DNAH14: variants seen among roughly 807,000 people sequenced by gnomAD.
The protein encoded by DNAH14 is axonemal beta dynein heavy chain 14.
DNAH14 carries 478 observed loss-of-function variants against 520.9 expected under a neutral mutation model. That is an observed-to-expected ratio of 0.92 (90% CI 0.85 to 0.99). DNAH14 has a LOEUF of 0.99. Ranked by LOEUF, DNAH14 falls within the 50% of genes least tolerant of loss-of-function variation. The pLI is 0.00. For synonymous variants in DNAH14, 1,581 were observed against 1,757.2 expected, an observed-to-expected ratio of 0.90 and a Z score of 2.51; for missense variants, 4,831 against 5,234.5, an observed-to-expected ratio of 0.92 and a Z score of 2.38.
intron 21 of DNAH14, among the ~76,000 whole-genome samples, chr1:225,094,656 C>CAAAAAAAAAAAAAAAAAAAAAAAAAAA (rs760828776): frequency 5.1e-5 from 4 of 77,820 alleles, no homozygotes; most frequent in Non-Finnish European, 1.4e-4. Flanking sequence ...TTCTGCACAG[C>CAAAAAAAAAAAAAAAAAAAAAAAAAAA]AAAAAAAAAA....
At chr1:225,265,516 A>G (rs2093080106) in intron 48 of DNAH14, 147 bp downstream of exon 48, 2 of 624,954 alleles carry the variant, frequency 3.2e-6, no homozygotes, top group Non-Finnish European at 5.1e-6. Flanking sequence ...AGAAACTTTG[A>G]TTTTCAGATC....
intron 81 of DNAH14, among the ~76,000 whole-genome samples, chr1:225,385,632 G>A (rs1036004363): frequency 1.3e-5 from 2 of 152,116 alleles, no homozygotes; most frequent in African/African-American, 4.8e-5. Flanking sequence ...ATTCACAATT[G>A]CTTCAAAAAG....
chr1:225,079,412 T>C lies in DNAH14; in HGVS notation c.2630T>C (p.Leu877Pro), dbSNP rs1369668462. Reference sequence around the variant, plus strand: ...CAAATTGCCATATTCCAAGTTCTTCTTCTTAAGTTTAGTCAACTAAAATCA... The same window carrying C: ...CAAATTGCCATATTCCAAGTTCTTCCTCTTAAGTTTAGTCAACTAAAATCA... ...EEQIAIFQVLLLKFSQLKSSM... is the reference protein window; with the variant it reads ...EEQIAIFQVLPLKFSQLKSSM... Residue 877 changes from leucine to proline, a missense_variant, in exon 18 of 86, where the codon CTT (leucine) becomes CCT (proline). By Grantham distance (98) the Leu-to-Pro change is moderately conservative. Coordinates refer to ENST00000682510, the MANE Select transcript of DNAH14 (RefSeq NM_001367479.1). 4 of 1,550,480 alleles carry C rather than the reference T, an allele frequency of 2.6e-6. No homozygotes were observed. The highest frequency in any genetic ancestry group is 8.7e-7 in the Non-Finnish European group (1 of 1,146,682).
Position 225,050,222 on chromosome 1 carries a change from C to G in DNAH14, c.1925C>G (p.Pro642Arg). The G allele has an allele frequency of 6.5e-7, 1 of 1,534,876 alleles. No individual in the cohort carries two copies. The highest frequency in any genetic ancestry group is 8.7e-7 in the Non-Finnish European group (1 of 1,142,868). ...TTATATATTTTAGCCACAATTACTC[C>G]TCTTTGCCAAGATCCCCAGCTGTCT... The part of the protein sequence containing the change: ...NMEKCITTIT[P>R]LCQDPQLSIF... Residue 642 changes from proline to arginine, a missense_variant, in exon 16 of 86, where the codon CCT (proline) becomes CGT (arginine). By Grantham distance (103) the Pro-to-Arg change is moderately radical (BLOSUM62 -2). Transcript: ENST00000682510.
At chr1:224,945,734 T>G (rs776065992) in intron 1 of DNAH14, among the ~76,000 whole-genome samples, 43 of 152,408 alleles carry the variant, frequency 2.8e-4, no homozygotes, top group Non-Finnish European at 5.6e-4. Flanking sequence ...TGCAGGTCTG[T>G]TGGAGTTTGC....
intron 17 of DNAH14, 136 bp from the exon 18 acceptor site, chr1:225,079,071 A>G: frequency 1.2e-6 from 1 of 814,792 alleles, no homozygotes; most frequent in Non-Finnish European, 1.9e-6. Context: ...TAGCAGTGTG[A>G]GAACAGACTA....
At chr1:225,336,009 A>G (rs993583343) in intron 66 of DNAH14, among the ~76,000 whole-genome samples, 5 of 82,598 alleles carry the variant, frequency 6.1e-5, no homozygotes, top group East Asian at 9.8e-4. Context: ...ATATATGTAT[A>G]CGCATATATG....
chr1:225,127,090 T>C (rs2077801640), intron 27 of DNAH14, among the ~76,000 whole-genome samples: 1 of 152,082 alleles, frequency 6.6e-6, no homozygotes, highest in Admixed American at 6.6e-5. Context: ...TTATAATTTC[T>C]GTTCTTTTAC....
chr1:225,298,256 G>C (rs1025211845), intron 55 of DNAH14, among the ~76,000 whole-genome samples: 2 of 151,210 alleles, frequency 1.3e-5, no homozygotes, highest in Non-Finnish European at 3.0e-5. Flanking sequence ...CAGAGCTGTT[G>C]GGCAGGCCAG....
intron 77 of DNAH14, among the ~76,000 whole-genome samples, chr1:225,373,028 T>G (rs1558555292): frequency 1.3e-5 from 2 of 152,128 alleles, no homozygotes; most frequent in Non-Finnish European, 2.9e-5. Context: ...ACATTTCCTG[T>G]TAGTGGCAGG....
intron 76 of DNAH14, among the ~76,000 whole-genome samples, chr1:225,365,513 G>A (rs2095541859): frequency 6.6e-6 from 1 of 152,170 alleles, no homozygotes; most frequent in Admixed American, 6.5e-5. Flanking sequence ...AGGTGGATGA[G>A]GCACTTTCCA....
chr1:225,020,510 A>AAAC (rs1469668298), intron 10 of DNAH14, among the ~76,000 whole-genome samples: 20 of 149,252 alleles, frequency 1.3e-4, no homozygotes, highest in East Asian at 2.0e-4. Context: ...AAAAAAAAAA[A>AAAC]AAAAAACAAC....
chr1:225,307,012 T>G (rs567368219), intron 58 of DNAH14, among the ~76,000 whole-genome samples: 2 of 152,216 alleles, frequency 1.3e-5, no homozygotes, highest in African/African-American at 2.4e-5. Context: ...ACCCCGAAAC[T>G]TATAATTAAA....
At chr1:225,137,791 G>A (rs1352369206) in intron 27 of DNAH14, among the ~76,000 whole-genome samples, 2 of 152,172 alleles carry the variant, frequency 1.3e-5, no homozygotes, top group Non-Finnish European at 2.9e-5. Flanking sequence ...TTGCTTCTTG[G>A]TAGAGCAGGC....
chr1:225,116,603 G>A (rs2076888667), intron 23 of DNAH14, among the ~76,000 whole-genome samples: 1 of 152,126 alleles, frequency 6.6e-6, no homozygotes, highest in South Asian at 2.1e-4. Flanking sequence ...AGTGATCTGA[G>A]CTGAAGAGCA....
chr1:225,318,717 A>G (rs930883096), intron 61 of DNAH14, 40 bp downstream of exon 61: 19 of 1,505,184 alleles, frequency 1.3e-5, no homozygotes, highest in Non-Finnish European at 1.6e-5. Context: ...AAAAGCTCAG[A>G]AAAAAACATA....
intron 76 of DNAH14, among the ~76,000 whole-genome samples, chr1:225,366,036 C>CA (rs1230965831): frequency 6.6e-6 from 1 of 152,070 alleles, no homozygotes; most frequent in Non-Finnish European, 1.5e-5. Context: ...AAAACATTAA[C>CA]ATTCCATACA....
At chr1:225,191,338 C>T (rs2085409320) in intron 37 of DNAH14, among the ~76,000 whole-genome samples, 1 of 151,978 alleles carries the variant, frequency 6.6e-6, no homozygotes, top group Non-Finnish European at 1.5e-5. Flanking sequence ...GGTTTTGCTG[C>T]ATATAGAATT....
chr1:225,385,348 T>C (rs1446018729), intron 81 of DNAH14, among the ~76,000 whole-genome samples: 1 of 152,190 alleles, frequency 6.6e-6, no homozygotes, highest in Non-Finnish European at 1.5e-5. Context: ...TCACCACTCC[T>C]ATTCAACATA....
Sources: gnomAD v4.1 joint callset for allele counts (sites outside exome capture counted in the v4.1 genomes callset) on GRCh38, gnomAD v4.1.1 for gene constraint, MANE v1.5 for transcripts, NCBI Gene and HGNC (gene_info 2026-07-23, HGNC 2026-07-21) for gene names.